RENBP: variants seen among roughly 807,000 people sequenced by gnomAD.
RENBP encodes N-acylglucosamine 2-epimerase.
A neutral mutation model predicts 37.8 loss-of-function variants in RENBP; 16 were observed. The ratio of observed to expected loss-of-function variants is 0.42; its 90% CI spans 0.29 to 0.64. The LOEUF (loss-of-function observed/expected upper bound fraction) is 0.64, where lower values mean the gene tolerates loss of function less well. RENBP is among the 30% of genes least tolerant of loss of function. RENBP has a pLI of 0.19. For missense variants in RENBP, 347 were observed against 379.5 expected (o/e 0.91, Z 0.71); for synonymous variants, 170 against 154.8 (o/e 1.10, Z -0.73).
intron 6 of RENBP, 59 bp from the exon 7 acceptor site, chrX:153,942,090 C>T: frequency 3.1e-6 from 3 of 961,701 alleles, no homozygotes; most frequent in Middle Eastern, 2.6e-4. Context: ...CCCAGCCACC[C>T]AACTAGAAAG....
At chrX:153,938,774 T>A (rs1161167885) in intron 9 of RENBP, among the ~76,000 whole-genome samples, 1 of 101,907 alleles carries the variant, frequency 9.8e-6, no homozygotes, top group Non-Finnish European at 2.0e-5. Flanking sequence ...CTCAGCAGCA[T>A]CTGTACTGTT....
At position 153,943,535 on chromosome X, in the gene RENBP, C is replaced by G; in HGVS notation, c.462+11G>C. The G allele has an allele frequency of 2.5e-6, 3 of 1,200,481 alleles. No homozygotes were observed. ...GGGTGGGGTCTTCAGGGGCACCCTC[C>G]TCTCACACACCTGGTACCGCACTTC... is the stretch of plus-strand genomic sequence containing the variant. On this transcript the variant is annotated intron_variant, in intron 5 of 10. Transcript: ENST00000393700.
At chrX:153,943,521 T>C (rs781897693) in intron 5 of RENBP, 25 bp downstream of exon 5, 27 of 1,190,904 alleles carry the variant, frequency 2.3e-5, no homozygotes, top group Non-Finnish European at 2.8e-5. Flanking sequence ...GGTGGGGTCT[T>C]CAGGGGCACC....
At chrX:153,941,087 C>T (rs781929863) in intron 8 of RENBP, among the ~76,000 whole-genome samples, 26 of 95,113 alleles carry the variant, frequency 2.7e-4, no homozygotes, top group Non-Finnish European at 4.8e-4. Flanking sequence ...TGTGGTGAGC[C>T]GAGATGGCGC....
chrX:153,938,445 C>T (rs930098513), intron 9 of RENBP, among the ~76,000 whole-genome samples: 5 of 112,473 alleles, frequency 4.4e-5, no homozygotes, highest in East Asian at 2.8e-4. Flanking sequence ...CTATAGTCCT[C>T]GCAGTACCAG....
chrX:153,940,274 C>G (rs782658727), intron 8 of RENBP, 41 bp from the exon 9 acceptor site: 2 of 1,201,284 alleles, frequency 1.7e-6, no homozygotes, highest in African/African-American at 3.5e-5. Flanking sequence ...CAGGAAACTC[C>G]CCTCCGCAAC....
Position 153,942,838 on chromosome X carries a change from C to A in RENBP, c.687+17G>T. On this transcript the variant is annotated intron_variant, in intron 6 of 10. Transcript: ENST00000393700. ...TGGAAGGCCTCCCACCACCCCAGCT[C>A]CCCAGGCATCCCCCACCTGCACGTG... 8.5e-7 allele frequency: 1 copy of A among 1,172,472 alleles called. No homozygotes were observed.
At chrX:153,942,273 T>TC (rs201306363) in intron 6 of RENBP, 38,048 of 228,826 alleles carry the variant, frequency 0.17, 5,374 homozygotes, top group East Asian at 0.67. Flanking sequence ...TCTTGCTCTG[T>TC]CACCCAGGCT....
intron 4 of RENBP, 59 bp from the exon 5 acceptor site, chrX:153,943,777 C>G (rs1378784651): frequency 2.9e-5 from 34 of 1,179,879 alleles, no homozygotes; most frequent in Non-Finnish European, 3.6e-5. Flanking sequence ...CACACACCAC[C>G]CTTGAGCCTC....
chrX:153,939,388 C>T (rs2065217077), intron 9 of RENBP, among the ~76,000 whole-genome samples: 1 of 112,346 alleles, frequency 8.9e-6, no homozygotes, highest in Non-Finnish European at 1.9e-5. Flanking sequence ...TGCCAGGCAG[C>T]ATCTACATTC....
At position 153,943,938 on chromosome X, in the gene RENBP, G is replaced by T; in HGVS notation, c.246C>A (p.Phe82Leu). 8.4e-7 allele frequency: 1 copy of T among 1,191,025 alleles called. No individual in the cohort carries two copies. Among genetic ancestry groups the T allele is most frequent in the Non-Finnish European group, 1.1e-6 (1 of 884,658 alleles). The change falls in exon 4 of 11, where the codon TTC becomes TTA. Residue 82 changes from phenylalanine to leucine, a missense_variant. Around this residue, in one of 3 missense-constraint regions of RENBP, gnomAD observed 244 missense variants for 279.4 expected, o/e 0.87. Coordinates refer to ENST00000393700, the MANE Select transcript of RENBP (RefSeq NM_002910.6). ...GAAGCTGAGCATGGCGGAAGCGCTC[G>T]AAAGTGCGGTACAGGCGACAATACA... ...VWMYCRLYRT[F>L]ERFRHAQLLD...
rs1557109311 is a variant in RENBP, at chrX:153,940,206, G to A, written c.973C>T (p.Pro325Ser). 4 of 1,208,852 alleles carry A rather than the reference G, an allele frequency of 3.3e-6. No individual in the cohort carries two copies. The highest frequency in any genetic ancestry group is 4.5e-6 in the Non-Finnish European group (4 of 894,848). ...QLEWAMKLWW[P>S]HSEAMIAFLM... is the part of the protein sequence containing the mutation. ...AAGGCAATCATGGCTTCACTGTGTG[G>A]CCACCAGAGCTTCATGGCCCACTCC... Residue 325 changes from proline (P) to serine (S), a missense_variant, in exon 9 of 11, where the codon CCA (proline) becomes TCA (serine). Physicochemically the swap from Pro to Ser is moderately conservative, Grantham distance 74. Transcript: ENST00000393700.
chrX:153,941,943 C>T lies in RENBP; in HGVS notation c.769+7G>A. 1 of 1,049,328 alleles carries T rather than the reference C, an allele frequency of 9.5e-7. No individual in the cohort carries two copies. Among genetic ancestry groups the T allele is most frequent in the Non-Finnish European group, 1.3e-6 (1 of 748,350 alleles). 86.5% of individuals were successfully genotyped at this position (1,049,328 alleles called of 1,213,427 possible). ...CTGGGTGGCCCCCAGCCCACCCCGC[C>T]CCTCACCTGGGTTCTGCTGTCTCCC... On this transcript the variant is annotated splice_region_variant and intron_variant, in intron 7 of 10. Coordinates refer to ENST00000393700, the MANE Select transcript of RENBP (RefSeq NM_002910.6).
rs144056423 is a variant in RENBP at position 153,943,035 on chromosome X, C to G, written c.507G>C (p.Gln169His). Residue 169 changes from glutamine (Q) to histidine (H), a missense_variant, in exon 6 of 11, where the codon CAG (glutamine) becomes CAC (histidine). Transcript: ENST00000393700. The stretch of plus-strand genomic sequence containing the variant: ...GCCGGCCCAGTCCCGACGCGTCCTC[C>G]TGCACCCAGTGGACGATCTGATCCA... ...EMMDQIVHWV[Q>H]EDASGLGRPQ... 1 of 1,195,237 alleles carries G rather than the reference C, an allele frequency of 8.4e-7. No individual in the cohort carries two copies. Among genetic ancestry groups the G allele is most frequent in the South Asian group, 1.8e-5 (1 of 55,207 alleles).
At chrX:153,944,268 G>T in intron 2 of RENBP, 41 bp downstream of exon 2, 1 of 1,178,759 alleles carries the variant, frequency 8.5e-7, no homozygotes, top group Non-Finnish European at 1.2e-6. Context: ...CCTCAGGAAG[G>T]GCAAAAACCC....
Position 153,943,723 on chromosome X carries a change from A to T in RENBP, c.290-5T>A. On this transcript the variant is annotated splice_region_variant and splice_polypyrimidine_tract_variant and intron_variant, in intron 4 of 10. Transcript: ENST00000393700. ...ACCGCAGCAAGAACTCACCACCTGG[A>T]GGTTGGGGGGTTGGCATGCCAGGGG... is the stretch of plus-strand genomic sequence containing the variant. 8.3e-7 allele frequency: 1 copy of T among 1,207,319 alleles called. No individual in the cohort carries two copies. The highest frequency in any genetic ancestry group is 1.1e-6 in the Non-Finnish European group (1 of 893,002).
In RENBP at chrX:153,944,421, A is replaced by T. The variant is rs782114554; in HGVS notation, c.28-3T>A. Reference sequence around the variant, plus strand: ...GTCTCTCGCTCTTTCTCCATGTCCTAGGGGAAATGGGGCTTGAAGGCGCAG... The same window carrying T: ...GTCTCTCGCTCTTTCTCCATGTCCTTGGGGAAATGGGGCTTGAAGGCGCAG... On this transcript the variant is annotated splice_polypyrimidine_tract_variant and splice_region_variant and intron_variant, in intron 1 of 10. Coordinates refer to ENST00000393700, the MANE Select transcript of RENBP (RefSeq NM_002910.6). 21 of 1,201,581 alleles carry T rather than the reference A, an allele frequency of 1.7e-5. No individual in the cohort carries two copies. Among genetic ancestry groups the T allele is most frequent in the Non-Finnish European group, 2.4e-5 (21 of 888,065 alleles).
At position 153,940,793 on chromosome X, in the gene RENBP, G is replaced by A. The variant is rs781833720; in HGVS notation, c.946-560C>T. Among the ~76,000 whole-genome samples, 5 of 111,798 alleles carry A rather than the reference G, an allele frequency of 4.5e-5. No individual in the cohort carries two copies. The South Asian group carries it at 1.9e-3, about 42-fold the overall frequency. ...GTTACCCTATATGGTCTAAAAAGGGGAGGCATGAATAATCCACCCCTTGTT... is the reference window on the plus strand; with the variant it reads ...GTTACCCTATATGGTCTAAAAAGGGAAGGCATGAATAATCCACCCCTTGTT... On this transcript the variant is annotated intron_variant, in intron 8 of 10. Coordinates refer to ENST00000393700, the MANE Select transcript of RENBP (RefSeq NM_002910.6).
intron 9 of RENBP, among the ~76,000 whole-genome samples, chrX:153,937,920 G>A (rs1206805413): frequency 5.4e-5 from 6 of 111,016 alleles, no homozygotes; most frequent in East Asian, 2.8e-4. Context: ...TAGTAGAGAC[G>A]GGGTTTCGCC....
Sources: allele counts gnomAD v4.1 joint callset (sites outside exome capture counted in the v4.1 genomes callset), GRCh38; gene constraint gnomAD v4.1.1; regional missense constraint gnomAD v4.1.1; transcripts MANE v1.5; gene names NCBI Gene and HGNC (gene_info 2026-07-23, HGNC 2026-07-21).